Variants in PRKACA observed in about 807,000 individuals in gnomAD.
PRKACA encodes protein kinase cAMP-activated catalytic subunit alpha.
PRKACA carries 9 observed loss-of-function variants against 45.8 expected under a neutral mutation model. The ratio of observed to expected loss-of-function variants is 0.20; its 90% confidence interval spans 0.12 to 0.34. The LOEUF is 0.34. PRKACA is among the 10% of genes least tolerant of loss of function. The probability of loss-of-function intolerance (pLI) is 1.00; values close to 1 mark genes in which losing one functional copy is unlikely to be tolerated. For synonymous variants in PRKACA, 160 were observed against 178.6 expected (o/e 0.90, Z 0.83); for missense variants, 238 against 458.6 (o/e 0.52, Z 4.39).
intron 9 of PRKACA, 91 bp from the exon 10 acceptor site, chr19:14,093,328 ATT>A: frequency 4.7e-6 from 7 of 1,500,398 alleles, no homozygotes; most frequent in Non-Finnish European, 6.4e-6. Flanking sequence ...TTCAAGAGAT[ATT>A]TACTCTGACT....
chr19:14,106,080 G>T (rs535867116), intron 3 of PRKACA, among the ~76,000 whole-genome samples: 58 of 152,222 alleles, frequency 3.8e-4, no homozygotes, highest in African/African-American at 1.3e-3. Context: ...GCCTGGCATG[G>T]TGGCTCATGC....
intron 5 of PRKACA, among the ~76,000 whole-genome samples, chr19:14,099,996 A>G (rs1448713843): frequency 6.6e-6 from 1 of 151,696 alleles, no homozygotes; most frequent in Non-Finnish European, 1.5e-5. Flanking sequence ...GCCCGCCATC[A>G]CACCCGGCTA....
intron 1 of PRKACA, chr19:14,114,184 A>C: frequency 6.2e-7 from 1 of 1,608,208 alleles, no homozygotes; most frequent in Non-Finnish European, 8.5e-7. Context: ...GGGCACCGGC[A>C]CTACGGTGGC....
intron 3 of PRKACA, among the ~76,000 whole-genome samples, chr19:14,103,680 A>G (rs1977511123): frequency 6.6e-6 from 1 of 152,178 alleles, no homozygotes; most frequent in Non-Finnish European, 1.5e-5. Context: ...TTCAGTCCCC[A>G]TTAGCCACAG....
intron 9 of PRKACA, 120 bp from the exon 10 acceptor site, chr19:14,093,357 A>T: frequency 7.4e-7 from 1 of 1,348,360 alleles, no homozygotes; most frequent in East Asian, 2.4e-5. Flanking sequence ...TGTGCTTACC[A>T]TTAGGTTATG....
At position 14,097,345 on chromosome 19, in the gene PRKACA, C is replaced by A; in HGVS notation, c.765+16G>T. 1 of 1,614,042 alleles carries A rather than the reference C, an allele frequency of 6.2e-7. No individual in the cohort carries two copies. Among genetic ancestry groups the A allele is most frequent in the Non-Finnish European group, 8.5e-7 (1 of 1,179,998 alleles). ...TCTGTTTCTTCCAGGGCTGTGTCCC[C>A]ACATCCGGACCTCACCTTCCCAGAG... On this transcript the variant is annotated intron_variant, in intron 8 of 9. Coordinates refer to ENST00000308677, the MANE Select transcript of PRKACA (RefSeq NM_002730.4). This position sits in a 1 kb window ranked among gnomAD's most constrained non-coding sequence, Gnocchi z 5.4.
At chr19:14,100,017 ATT>A (rs745762900) in intron 5 of PRKACA, among the ~76,000 whole-genome samples, 173 of 150,938 alleles carry the variant, frequency 1.1e-3, no homozygotes, top group South Asian at 2.3e-3. Flanking sequence ...ATTTTTTTGT[ATT>A]TTTTTAGTAG....
intron 1 of PRKACA, among the ~76,000 whole-genome samples, chr19:14,111,476 C>A (rs776759976): frequency 5.3e-5 from 8 of 151,934 alleles, no homozygotes; most frequent in African/African-American, 1.9e-4. Context: ...AATGACCAGG[C>A]GGAGAGGGGA....
At chr19:14,115,368 C>A (rs1967086178) in intron 1 of PRKACA, among the ~76,000 whole-genome samples, 1 of 152,142 alleles carries the variant, frequency 6.6e-6, no homozygotes, top group East Asian at 1.9e-4. Flanking sequence ...GAGTAAAAAT[C>A]TGGGAGGCTG....
chr19:14,104,189 T>C (rs1168925170), intron 3 of PRKACA, among the ~76,000 whole-genome samples: 1 of 148,908 alleles, frequency 6.7e-6, no homozygotes, highest in Non-Finnish European at 1.5e-5. Flanking sequence ...CACAAAAAAT[T>C]AGCCGGGTGT....
chr19:14,103,526 A>C (rs1274794651), intron 3 of PRKACA, among the ~76,000 whole-genome samples: 3 of 152,176 alleles, frequency 2.0e-5, no homozygotes, highest in Non-Finnish European at 4.4e-5. Context: ...GACCAGACAC[A>C]GAGGGGAGGT....
At chr19:14,093,353 T>A in intron 9 of PRKACA, 116 bp from the exon 10 acceptor site, 2 of 1,367,274 alleles carry the variant, frequency 1.5e-6, no homozygotes, top group East Asian at 4.7e-5. Context: ...GGCCTGTGCT[T>A]ACCATTAGGT....
chr19:14,103,437 C>T (rs1977503203), intron 3 of PRKACA, among the ~76,000 whole-genome samples: 1 of 152,184 alleles, frequency 6.6e-6, no homozygotes, highest in South Asian at 2.1e-4. Flanking sequence ...ATGCCATGAG[C>T]AGGCACCTGG....
At chr19:14,095,074 A>G (rs957966390) in intron 8 of PRKACA, among the ~76,000 whole-genome samples, 2 of 152,178 alleles carry the variant, frequency 1.3e-5, no homozygotes, top group Non-Finnish European at 2.9e-5. Context: ...GAACTAGAAA[A>G]TGCTACAAAG....
Position 14,092,359 on chromosome 19 carries a change from T to G in PRKACA, c.*753A>C. Reference sequence around the variant, plus strand: ...AGAGCGGAGGCTTCCTAAAGGGGCCTAGACCCTCGCAGGATTGGCAGAGAG... The same window carrying G: ...AGAGCGGAGGCTTCCTAAAGGGGCCGAGACCCTCGCAGGATTGGCAGAGAG... On this transcript the variant is annotated 3_prime_UTR_variant, in exon 10 of 10. Transcript: ENST00000308677. The G allele has an allele frequency of 2.9e-6, 1 of 342,922 alleles. No homozygotes were observed. 21.2% of individuals were successfully genotyped at this position (342,922 alleles called of 1,614,324 possible).
At chr19:14,108,915 A>G (rs1977691637) in intron 1 of PRKACA, among the ~76,000 whole-genome samples, 1 of 150,570 alleles carries the variant, frequency 6.6e-6, no homozygotes, top group Admixed American at 6.6e-5. Context: ...TTTAGTAGAG[A>G]CAGGGTTTTG....
At chr19:14,095,091 G>A (rs1977205263) in intron 8 of PRKACA, among the ~76,000 whole-genome samples, 1 of 152,166 alleles carries the variant, frequency 6.6e-6, no homozygotes. Context: ...AAAGAAGGGA[G>A]TCATGTGCAT....
Position 14,097,567 on chromosome 19 carries a change from G to A in PRKACA, c.642+12C>T, listed in dbSNP as rs1282718618. On this transcript the variant is annotated intron_variant, in intron 7 of 9. Coordinates refer to ENST00000308677, the MANE Select transcript of PRKACA (RefSeq NM_002730.4). The surrounding 1 kb of genome is among the most constrained non-coding windows in gnomAD (Gnocchi z 5.4). ...GGCCTCAGGGGAAGGGGAGGGCTGGGGAGGCTCCTACTTTGCTCAGGATAA... is the reference window on the plus strand; with the variant it reads ...GGCCTCAGGGGAAGGGGAGGGCTGGAGAGGCTCCTACTTTGCTCAGGATAA... 6.2e-7 allele frequency: 1 copy of A among 1,613,404 alleles called. No individual in the cohort carries two copies.
intron 8 of PRKACA, chr19:14,096,289 GC>G (rs1226455825): frequency 6.7e-6 from 1 of 150,220 alleles, no homozygotes; most frequent in African/African-American, 2.5e-5. Context: ...CAGGTGATCT[GC>G]CCGCCTTGGC....
Sources: allele counts gnomAD v4.1 joint callset (sites outside exome capture counted in the v4.1 genomes callset), GRCh38; gene constraint gnomAD v4.1.1; non-coding constraint Gnocchi (gnomAD v3.1); transcripts MANE v1.5; gene names NCBI Gene and HGNC (gene_info 2026-07-23, HGNC 2026-07-21).